Variants in ZNF778 observed in about 807,000 individuals in gnomAD.
ZNF778 encodes zinc finger protein 778.
Under a neutral mutation model 23.9 loss-of-function variants are expected in ZNF778, and 37 were observed. That is an observed-to-expected ratio of 1.54 (90% CI 1.19 to 2.03). The LOEUF is 2.03. Among genes scored for constraint, ZNF778 ranks in the 30% most tolerant of loss-of-function variants. The pLI, the probability that ZNF778 is intolerant of heterozygous loss-of-function variation, is 0.00. For missense variants in ZNF778, 1,297 were observed against 934.4 expected, an observed-to-expected ratio of 1.39 and a Z score of -5.06; for synonymous variants, 483 against 343.9, an observed-to-expected ratio of 1.40 and a Z score of -4.48.
Position 89,229,651 on chromosome 16 carries a change from T to C in ZNF778, c.*1089T>C. ...CAGCGTAGGCTCTGCTTGGTTAGTC[T>C]TGAGGATCCAGATGTGATCCTGCGT... On this transcript the variant is annotated 3_prime_UTR_variant, in exon 7 of 7. Transcript: ENST00000433976. 5.1e-6 allele frequency: 5 copies of C among 983,464 alleles called. No individual in the cohort carries two copies. Among genetic ancestry groups the C allele is most frequent in the Non-Finnish European group, 6.0e-6 (5 of 829,750 alleles). 60.9% of individuals were successfully genotyped at this position (983,464 alleles called of 1,614,324 possible). A position where few individuals can be genotyped will look rare whatever the true frequency, so the allele number is the denominator to read the frequency against.
chr16:89,232,811 C>A lies in ZNF778; in HGVS notation c.*4249C>A. 1 of 1,287,668 alleles carries A rather than the reference C, an allele frequency of 7.8e-7. No individual in the cohort carries two copies. The highest frequency in any genetic ancestry group is 1.0e-6 in the Non-Finnish European group (1 of 988,764). The allele number at this position is 1,287,668 out of a possible 1,614,324, so 79.8% of individuals were successfully genotyped here. A position where few individuals can be genotyped will look rare whatever the true frequency, so the allele number is the denominator to read the frequency against. On this transcript the variant is annotated 3_prime_UTR_variant, in exon 7 of 7. Transcript: ENST00000433976. The stretch of plus-strand genomic sequence containing the variant: ...TATGCACATCAACTCACTGCATATG[C>A]AACTCAACTCACACCGTATATGCAA...
rs779370020 is a variant in ZNF778, at chr16:89,226,790, A to G, written c.502A>G (p.Asn168Asp). ...SGLSTHVRTQ[N>D]TGDSCVSNHY... ...CCTCAGCACACACGTGAGAACTCAA[A>G]ATACAGGAGACAGTTGTGTGTCTAA... Residue 168 changes from asparagine to aspartate, a missense_variant, in exon 7 of 7, where the codon AAT (asparagine) becomes GAT (aspartate). Asn to Asp is a conservative substitution (Grantham distance 23). Coordinates refer to ENST00000433976, the MANE Select transcript of ZNF778 (RefSeq NM_001201407.2). The G allele has an allele frequency of 1.2e-6, 2 of 1,613,986 alleles. No individual in the cohort carries two copies. The highest frequency in any genetic ancestry group is 1.7e-5 in the Admixed American group (1 of 60,004).
At chr16:89,226,570 C>T (rs761215681) in intron 6 of ZNF778, 124 bp from the exon 7 acceptor site, 23 of 778,736 alleles carry the variant, frequency 3.0e-5, no homozygotes, top group Non-Finnish European at 4.7e-5. Context: ...AGGGCAGGAG[C>T]TGCTTGCATG....
rs1038089234 is a variant in ZNF778 at position 89,231,607 on chromosome 16, G to C, written c.*3045G>C. On this transcript the variant is annotated 3_prime_UTR_variant, in exon 7 of 7. Coordinates refer to ENST00000433976, the MANE Select transcript of ZNF778 (RefSeq NM_001201407.2). ...TATTTGAGATTCTGTGATGAGCTGA[G>C]CTTGCTGTCCGCTAACCCGTGATCC... is the stretch of plus-strand genomic sequence containing the variant. 6.6e-6 allele frequency: 1 copy of C among 152,236 alleles called. No homozygotes were observed. The highest frequency in any genetic ancestry group is 1.5e-5 in the Non-Finnish European group (1 of 68,080). The allele number at this position is 152,236 out of a possible 1,614,324, so 9.4% of individuals were successfully genotyped here.
Position 89,228,188 on chromosome 16 carries a change from G to A in ZNF778, c.1900G>A (p.Val634Met), listed in dbSNP as rs544551277. The stretch of plus-strand genomic sequence containing the variant: ...CTTCACCACATCCTCACACCTTATC[G>A]TGCACATAAGAACCCACACCGGTGA... ...KAFTTSSHLI[V>M]HIRTHTGEKP... Residue 634 changes from valine (V) to methionine (M), a missense_variant, in exon 7 of 7, where the codon GTG (valine) becomes ATG (methionine). Transcript: ENST00000433976. The A allele has an allele frequency of 2.0e-5, 32 of 1,613,172 alleles. No homozygotes were observed. Among genetic ancestry groups the A allele is most frequent in the Admixed American group, 1.8e-4 (11 of 59,888 alleles).
At position 89,227,775 on chromosome 16, in the gene ZNF778, C is replaced by T. The variant is rs369183410; in HGVS notation, c.1487C>T (p.Ala496Val). 18 of 1,612,650 alleles carry T rather than the reference C, an allele frequency of 1.1e-5. No homozygotes were observed. The highest frequency in any genetic ancestry group is 1.1e-4 in the South Asian group (10 of 91,028). ...FTVSSSLTEH[A>V]RIHTGEKPYE... Reference sequence around the variant, plus strand: ...GTTTCTTCAAGCCTGACTGAGCACGCGAGAATCCATACCGGAGAGAAACCC... The same window carrying T: ...GTTTCTTCAAGCCTGACTGAGCACGTGAGAATCCATACCGGAGAGAAACCC... The change falls in exon 7 of 7, where the codon GCG (alanine) becomes GTG (valine). Residue 496 changes from alanine (A) to valine (V), a missense_variant. Ala to Val is a moderately conservative substitution (Grantham distance 64). Transcript: ENST00000433976.
chr16:89,217,707 C>G lies in ZNF778; in HGVS notation c.-335C>G, dbSNP rs548506748. The G allele has an allele frequency of 6.6e-6, 1 of 152,418 alleles. No homozygotes were observed. Among genetic ancestry groups the G allele is most frequent in the African/African-American group, 2.4e-5 (1 of 41,588 alleles). The allele number at this position is 152,418 out of a possible 1,614,324, so 9.4% of individuals were successfully genotyped here. A position where few individuals can be genotyped will look rare whatever the true frequency, so the allele number is the denominator to read the frequency against. On this transcript the variant is annotated 5_prime_UTR_variant, in exon 1 of 7. Transcript: ENST00000433976. ...CGGCGCCGGCCCCGCCTCCGCCTGT[C>G]TTACAGCTGATCCGGTTCTTGCGGC...
At chr16:89,224,928 C>T (rs905516745) in intron 5 of ZNF778, 126 bp downstream of exon 5, 23 of 662,598 alleles carry the variant, frequency 3.5e-5, no homozygotes, top group South Asian at 9.5e-5. Context: ...TCCTGAGTGT[C>T]GAGTTTAGCG....
chr16:89,222,209 A>G, intron 3 of ZNF778, 26 bp downstream of exon 3: 1 of 1,548,224 alleles, frequency 6.5e-7, no homozygotes, highest in Non-Finnish European at 8.9e-7. Flanking sequence ...ATTTTTTCTT[A>G]AAATAACATA....
At chr16:89,219,796 A>T (rs149844083) in intron 1 of ZNF778, among the ~76,000 whole-genome samples, 96 of 152,290 alleles carry the variant, frequency 6.3e-4, no homozygotes, top group African/African-American at 2.2e-3. Flanking sequence ...TAACGCTGTT[A>T]TATACGTTGC....
In ZNF778 at chr16:89,228,955, C is replaced by A. The variant is rs145312205; in HGVS notation, c.*393C>A. 127 of 1,004,768 alleles carry A rather than the reference C, an allele frequency of 1.3e-4. No homozygotes were observed. The African/African-American group carries it at 1.9e-3, about 15-fold the overall frequency. 62.2% of individuals were successfully genotyped at this position (1,004,768 alleles called of 1,614,324 possible). ...ACCCTTTAGTAAACGTGGTGATTGA[C>A]ACTTGAAGTGTTGTGAATGTATGGA... is the stretch of plus-strand genomic sequence containing the variant. On this transcript the variant is annotated 3_prime_UTR_variant, in exon 7 of 7. Transcript: ENST00000433976.
intron 4 of ZNF778, 62 bp from the exon 5 acceptor site, chr16:89,224,657 C>G: frequency 8.5e-7 from 1 of 1,177,126 alleles, no homozygotes; most frequent in Non-Finnish European, 1.2e-6. Flanking sequence ...TTCCTGTTCA[C>G]GGGTAGGTTT....
At chr16:89,225,687 T>A in intron 6 of ZNF778, 56 bp downstream of exon 6, 1 of 1,491,846 alleles carries the variant, frequency 6.7e-7, no homozygotes, top group Admixed American at 1.9e-5. Context: ...GATTGGGAAT[T>A]CCACTATAGA....
intron 6 of ZNF778, 113 bp downstream of exon 6, chr16:89,225,744 C>A: frequency 1.0e-6 from 1 of 966,936 alleles, no homozygotes; most frequent in East Asian, 2.9e-5. Context: ...TTCACTCAGG[C>A]AGGGGTTGTC....
rs775646327 is a variant in ZNF778 at position 89,224,795 on chromosome 16, T to G, written c.321T>G (p.Val107=). The stretch of plus-strand genomic sequence containing the variant: ...AGTTGAGGGCAGGGCGGAGAGCAGT[T>G]CTCCAAGGTAAGTGTGAAGAGCACG... ...EEELRAGRRA[V]LQEWRLKTKG... is the part of the protein sequence containing the mutation. Residue 107 remains valine (V), a synonymous_variant, in exon 5 of 7, where the codon GTT becomes GTG. Coordinates refer to ENST00000433976, the MANE Select transcript of ZNF778 (RefSeq NM_001201407.2). 2.6e-5 allele frequency: 37 copies of G among 1,409,000 alleles called. No individual in the cohort carries two copies. The African/African-American group carries it at 6.0e-4, about 23-fold the overall frequency. 87.3% of individuals were successfully genotyped at this position (1,409,000 alleles called of 1,614,324 possible). A position where few individuals can be genotyped will look rare whatever the true frequency, so the allele number is the denominator to read the frequency against.
In ZNF778 at chr16:89,233,923, A is replaced by G; in HGVS notation, c.*5361A>G. On this transcript the variant is annotated 3_prime_UTR_variant, in exon 7 of 7. Transcript: ENST00000433976. ...AGCCCAGGATGAGGCACTAGACAGC[A>G]GGACATGCTGTATGCCCTTGGGCCT... 7.8e-7 allele frequency: 1 copy of G among 1,289,042 alleles called. No individual in the cohort carries two copies. The highest frequency in any genetic ancestry group is 1.0e-6 in the Non-Finnish European group (1 of 988,482). The allele number at this position is 1,289,042 out of a possible 1,614,324, so 79.9% of individuals were successfully genotyped here.
intron 3 of ZNF778, among the ~76,000 whole-genome samples, 180 bp from the exon 4 acceptor site, chr16:89,222,977 G>T (rs558056806): frequency 6.6e-6 from 1 of 152,086 alleles, no homozygotes; most frequent in African/African-American, 2.4e-5. Context: ...GGGTGCGCGT[G>T]ACTGGAGGAG....
At position 89,235,693 on chromosome 16, in the gene ZNF778, T is replaced by C. The variant is rs1336709857; in HGVS notation, c.*7131T>C. The C allele has an allele frequency of 2.0e-5, 3 of 152,226 alleles. No homozygotes were observed. The highest frequency in any genetic ancestry group is 6.5e-5 in the Admixed American group (1 of 15,282). The allele number at this position is 152,226 out of a possible 1,614,324, so 9.4% of individuals were successfully genotyped here. On this transcript the variant is annotated 3_prime_UTR_variant, in exon 7 of 7. Transcript: ENST00000433976. The stretch of plus-strand genomic sequence containing the variant: ...GCAACAGCCTTGGGGAGCAGTGTTA[T>C]GATACCAAATGGCTAACATTCATGA...
rs1477229412 is a variant in ZNF778 at position 89,234,984 on chromosome 16, C to G, written c.*6422C>G. ...TATACAACCTTTCCTTTATCTTCAT[C>G]AGAAATTTCTTTTCTCCTAAGGCCT... On this transcript the variant is annotated 3_prime_UTR_variant, in exon 7 of 7. Transcript: ENST00000433976. 1 of 152,140 alleles carries G rather than the reference C, an allele frequency of 6.6e-6. No homozygotes were observed. The highest frequency in any genetic ancestry group is 1.5e-5 in the Non-Finnish European group (1 of 68,038). 9.4% of individuals were successfully genotyped at this position (152,140 alleles called of 1,614,324 possible).
Sources: allele counts gnomAD v4.1 joint callset (sites outside exome capture counted in the v4.1 genomes callset), GRCh38; gene constraint gnomAD v4.1.1; transcripts MANE v1.5; gene names NCBI Gene and HGNC (gene_info 2026-07-23, HGNC 2026-07-21).